The following DAB1 variants were observed in gnomAD, a reference collection of about 807,000 sequenced individuals.
DAB1 encodes DAB adaptor protein 1.
A neutral mutation model predicts 64.6 loss-of-function variants in DAB1; 15 were observed. The observed-to-expected ratio is 0.23, with a 90% confidence interval of 0.16 to 0.36. The LOEUF (loss-of-function observed/expected upper bound fraction) is 0.36, where lower values mean the gene tolerates loss of function less well. Among genes scored for constraint, DAB1 ranks in the 10% least tolerant of loss-of-function variants. The probability of loss-of-function intolerance (pLI) is 1.00; values close to 1 mark genes in which losing one functional copy is unlikely to be tolerated. For synonymous variants in DAB1, 235 were observed against 251.9 expected, an observed-to-expected ratio of 0.93 and a Z score of 0.64; for missense variants, 596 against 706.7, an observed-to-expected ratio of 0.84 and a Z score of 1.78.
intron 7 of DAB1, among the ~76,000 whole-genome samples, chr1:57,499,663 T>C (rs1342123020): frequency 1.3e-5 from 2 of 152,222 alleles, no homozygotes; most frequent in Non-Finnish European, 2.9e-5. Flanking sequence ...AATGTGTTAC[T>C]GAAATGAAGG....
chr1:57,264,413 G>T (rs1266011437), intron 2 of DAB1, among the ~76,000 whole-genome samples: 1 of 152,188 alleles, frequency 6.6e-6, no homozygotes, highest in Non-Finnish European at 1.5e-5. Context: ...ATGAGAGAAT[G>T]ATTGATAGAA....
chr1:57,015,339 C>T lies in DAB1; in HGVS notation c.988G>A (p.Ala330Thr), dbSNP rs199793708. The stretch of plus-strand genomic sequence containing the variant: ...GGCTGAGCCCCCGGCATCACCTGAG[C>T]GACTGGTGGCTGGGCACCCATGACC... Reference protein sequence around the residue: ...QMVMGAQPPVAQVMPGAQPIA... With the variant: ...QMVMGAQPPVTQVMPGAQPIA... The change falls in exon 12 of 15, where the codon GCT (alanine) becomes ACT (threonine). Residue 330 changes from alanine (A) to threonine (T), a missense_variant. By Grantham distance (58) the Ala-to-Thr change is moderately conservative (BLOSUM62 0). Around this residue, in one of 3 missense-constraint regions of DAB1, gnomAD observed 377 missense variants for 400.4 expected, o/e 0.94. Coordinates refer to ENST00000371236, the MANE Select transcript of DAB1 (RefSeq NM_001365792.1). The T allele has an allele frequency of 6.1e-5, 99 of 1,614,028 alleles. No homozygotes were observed. In the Admixed American group the frequency reaches 6.2e-4, roughly 10 times the overall value.
At chr1:58,310,080 A>C (rs1330542052) in intron 4 of DAB1, among the ~76,000 whole-genome samples, 1 of 152,146 alleles carries the variant, frequency 6.6e-6, no homozygotes, top group African/African-American at 2.4e-5. Flanking sequence ...GATCACTATC[A>C]GTCTATTAAA....
chr1:57,994,679 G>A (rs536301191), intron 5 of DAB1, among the ~76,000 whole-genome samples: 4 of 152,150 alleles, frequency 2.6e-5, no homozygotes, highest in South Asian at 4.2e-4. Context: ...ACATTCAGAG[G>A]GCTTCAGGAT....
At chr1:57,462,641 TC>T (rs1401482580) in intron 7 of DAB1, among the ~76,000 whole-genome samples, 1 of 152,150 alleles carries the variant, frequency 6.6e-6, no homozygotes, top group Admixed American at 6.5e-5. Flanking sequence ...GTCGTACTGC[TC>T]CCATTTTTTA....
chr1:57,086,998 A>G (rs1653154391), intron 4 of DAB1, among the ~76,000 whole-genome samples: 1 of 152,184 alleles, frequency 6.6e-6, no homozygotes, highest in African/African-American at 2.4e-5. Context: ...GTTTCAGAGC[A>G]CCACCTTGAA....
At chr1:57,290,510 C>G (rs989757629) in intron 2 of DAB1, among the ~76,000 whole-genome samples, 4 of 152,076 alleles carry the variant, frequency 2.6e-5, no homozygotes, top group Admixed American at 2.0e-4. Context: ...TGATGAACTA[C>G]AGAATATCTG....
At chr1:57,252,918 A>G (rs1280489755) in intron 2 of DAB1, among the ~76,000 whole-genome samples, 1 of 152,240 alleles carries the variant, frequency 6.6e-6, no homozygotes, top group East Asian at 1.9e-4. Context: ...CATTTCAGAC[A>G]GCCAAGGCCC....
intron 5 of DAB1, among the ~76,000 whole-genome samples, chr1:58,104,607 A>C (rs940833853): frequency 3.3e-5 from 5 of 151,920 alleles, no homozygotes; most frequent in African/African-American, 1.2e-4. Flanking sequence ...TCTCAGCTAA[A>C]CCCCCATTTC....
At chr1:58,337,291 A>AG (rs1443421654) in intron 4 of DAB1, among the ~76,000 whole-genome samples, 2 of 151,872 alleles carry the variant, frequency 1.3e-5, no homozygotes, top group African/African-American at 4.8e-5. Context: ...CAAAGAAAAA[A>AG]AAAAAAAAAA....
At chr1:58,373,246 T>C (rs570459781) in intron 3 of DAB1, among the ~76,000 whole-genome samples, 110 of 149,952 alleles carry the variant, frequency 7.3e-4, no homozygotes, top group Middle Eastern at 3.4e-3. Flanking sequence ...TATGTATACA[T>C]GTGCCATGCT....
chr1:58,082,985 T>A (rs1292192083), intron 5 of DAB1, among the ~76,000 whole-genome samples: 6 of 152,294 alleles, frequency 3.9e-5, no homozygotes, highest in Middle Eastern at 6.8e-3. Flanking sequence ...AGAAAATGAA[T>A]CCACTTCAAG....
chr1:57,434,542 T>C (rs1685620470), intron 7 of DAB1, among the ~76,000 whole-genome samples: 1 of 152,242 alleles, frequency 6.6e-6, no homozygotes, highest in African/African-American at 2.4e-5. Flanking sequence ...AACATATCTT[T>C]AATGTAGTGT....
chr1:58,490,682 C>A (rs1645665634), intron 3 of DAB1, among the ~76,000 whole-genome samples: 1 of 150,798 alleles, frequency 6.6e-6, no homozygotes, highest in Non-Finnish European at 1.5e-5. Context: ...ATGTTAAGGG[C>A]AGCTAGAGAG....
intron 1 of DAB1, among the ~76,000 whole-genome samples, chr1:57,386,379 A>C (rs897740602): frequency 1.6e-5 from 2 of 124,554 alleles, no homozygotes; most frequent in Non-Finnish European, 3.7e-5. Context: ...AAAAAAAAAA[A>C]AAAAAAAACC....
intron 14 of DAB1, among the ~76,000 whole-genome samples, chr1:57,010,295 C>A (rs1423846166): frequency 2.0e-5 from 3 of 152,134 alleles, no homozygotes; most frequent in Non-Finnish European, 2.9e-5. Context: ...TGCTAAGTAG[C>A]ATGGACCATG....
chr1:57,534,164 A>G (rs553240084), intron 7 of DAB1, among the ~76,000 whole-genome samples: 1 of 152,330 alleles, frequency 6.6e-6, no homozygotes, highest in Non-Finnish European at 1.5e-5. Flanking sequence ...AAATGAAATT[A>G]TAGGACTGGA....
chr1:58,292,547 A>G (rs1661870618), intron 4 of DAB1, among the ~76,000 whole-genome samples: 1 of 152,178 alleles, frequency 6.6e-6, no homozygotes, highest in African/African-American at 2.4e-5. Flanking sequence ...AGGAGCAGGG[A>G]CAAGTAAAAG....
At chr1:57,052,841 T>C (rs1206278740) in intron 9 of DAB1, among the ~76,000 whole-genome samples, 1 of 152,178 alleles carries the variant, frequency 6.6e-6, no homozygotes, top group Non-Finnish European at 1.5e-5. Context: ...AGGTTGTCCT[T>C]TCCCCTGAAA....
Sources: gnomAD v4.1 joint callset for allele counts (sites outside exome capture counted in the v4.1 genomes callset) on GRCh38, gnomAD v4.1.1 for gene constraint, gnomAD v4.1.1 regional missense constraint, MANE v1.5 for transcripts, NCBI Gene and HGNC (gene_info 2026-07-23, HGNC 2026-07-21) for gene names.